EMID1: variants seen among roughly 807,000 people sequenced by gnomAD.
The protein encoded by EMID1 is EMI domain-containing protein 1.
A neutral mutation model predicts 60.6 loss-of-function variants in EMID1; 40 were observed. The observed-to-expected ratio is 0.66, with a 90% confidence interval of 0.51 to 0.86. The LOEUF is 0.86. EMID1 is among the 40% of genes least tolerant of loss of function. EMID1 has a pLI of 0.00. For synonymous variants in EMID1, 242 were observed against 231.0 expected (o/e 1.05, Z -0.43); for missense variants, 585 against 597.1 (o/e 0.98, Z 0.21).
At chr22:29,213,170 C>T (rs1233445246) in intron 1 of EMID1, among the ~76,000 whole-genome samples, 1 of 152,114 alleles carries the variant, frequency 6.6e-6, no homozygotes, top group African/African-American at 2.4e-5. Flanking sequence ...TGCTTTTTTC[C>T]TCCCCGTAAC....
At chr22:29,236,387 G>T (rs979809961) in intron 12 of EMID1, among the ~76,000 whole-genome samples, 2 of 152,006 alleles carry the variant, frequency 1.3e-5, no homozygotes, top group African/African-American at 4.8e-5. Context: ...ACCAGACCTT[G>T]CCTCTAAAAC....
Position 29,258,928 on chromosome 22 carries a change from G to T in EMID1, c.1316G>T (p.Arg439Leu). The change falls in exon 15 of 15, where the codon CGG (arginine) becomes CTG (leucine). Residue 439 changes from arginine to leucine, a missense_variant. Arg to Leu is a moderately radical substitution (Grantham distance 102). Coordinates refer to ENST00000334018, the MANE Select transcript of EMID1 (RefSeq NM_133455.4). ...TNYRIVAPRS[R>L]DERG ...TACCGGATCGTGGCCCCCAGGAGCCGGGACGAGAGAGGCTGAGGGTGGTGG... is the reference window on the plus strand; with the variant it reads ...TACCGGATCGTGGCCCCCAGGAGCCTGGACGAGAGAGGCTGAGGGTGGTGG... The T allele has an allele frequency of 6.2e-7, 1 of 1,612,874 alleles. No individual in the cohort carries two copies. The highest frequency in any genetic ancestry group is 8.5e-7 in the Non-Finnish European group (1 of 1,179,478).
intron 14 of EMID1, among the ~76,000 whole-genome samples, chr22:29,257,146 C>T (rs901937359): frequency 1.3e-5 from 2 of 152,162 alleles, no homozygotes; most frequent in African/African-American, 4.8e-5. Flanking sequence ...CCTCAGAAGT[C>T]CCACACCCAC....
chr22:29,255,645 A>C, intron 14 of EMID1: 1 of 298,560 alleles, frequency 3.3e-6, no homozygotes, highest in Non-Finnish European at 6.2e-6. Context: ...GCTCAGGAGA[A>C]CCCTGACACT....
intron 12 of EMID1, among the ~76,000 whole-genome samples, chr22:29,235,088 C>T (rs1445085442): frequency 6.6e-6 from 1 of 152,044 alleles, no homozygotes; most frequent in African/African-American, 2.4e-5. Flanking sequence ...TGGCTTACGC[C>T]TGTAATCCTA....
chr22:29,246,684 A>G (rs2041343651), intron 13 of EMID1, among the ~76,000 whole-genome samples: 1 of 152,218 alleles, frequency 6.6e-6, no homozygotes, highest in African/African-American at 2.4e-5. Context: ...CCAGACACTT[A>G]GATCCGGAGT....
chr22:29,222,189 G>A (rs1423272823), intron 3 of EMID1, among the ~76,000 whole-genome samples: 1 of 152,092 alleles, frequency 6.6e-6, no homozygotes, highest in Admixed American at 6.5e-5. Context: ...GACCTTCCAA[G>A]TTCAAGCTAT....
Position 29,231,696 on chromosome 22 carries a change from A to G in EMID1, c.676+14A>G. 1 of 1,446,916 alleles carries G rather than the reference A, an allele frequency of 6.9e-7. No homozygotes were observed. Among genetic ancestry groups the G allele is most frequent in the Non-Finnish European group, 9.1e-7 (1 of 1,095,976 alleles). 89.6% of individuals were successfully genotyped at this position (1,446,916 alleles called of 1,614,324 possible). On this transcript the variant is annotated intron_variant, in intron 7 of 14. Coordinates refer to ENST00000334018, the MANE Select transcript of EMID1 (RefSeq NM_133455.4). ...GAGGCCCACCAGGTGAGTGCCCGCA[A>G]TGCTGCCCCACAGCTCCTCTGGCCA...
intron 3 of EMID1, among the ~76,000 whole-genome samples, chr22:29,222,772 T>C (rs2040346655): frequency 6.6e-6 from 1 of 152,188 alleles, no homozygotes; most frequent in Non-Finnish European, 1.5e-5. Flanking sequence ...TATTTTCAGT[T>C]GGTGATTCAT....
intron 3 of EMID1, among the ~76,000 whole-genome samples, chr22:29,220,599 G>C (rs1278560414): frequency 6.6e-6 from 1 of 152,004 alleles, no homozygotes; most frequent in Non-Finnish European, 1.5e-5. Context: ...AAGCCCTTTG[G>C]CTCCTCTCCA....
chr22:29,237,755 C>T lies in EMID1; in HGVS notation c.1074+3406C>T, dbSNP rs573753686. Among the ~76,000 whole-genome samples the T allele has an allele frequency of 8.6e-4, 123 of 143,508 alleles. 15 individuals are homozygous for T. Among genetic ancestry groups the T allele is most frequent in the Admixed American group, 6.1e-3 (89 of 14,682 alleles). The allele number at this position is 143,508 out of a possible 152,430, so 94.1% of individuals were successfully genotyped here. A position where few individuals can be genotyped will look rare whatever the true frequency, so the allele number is the denominator to read the frequency against. Reference sequence around the variant, plus strand: ...GATGGAGCTTGCAGTGAGTGGAGATCGCGCCACTGCACTGCAGCCTGGGCA... The same window carrying T: ...GATGGAGCTTGCAGTGAGTGGAGATTGCGCCACTGCACTGCAGCCTGGGCA... On this transcript the variant is annotated intron_variant, in intron 12 of 14. Transcript: ENST00000334018.
intron 5 of EMID1, among the ~76,000 whole-genome samples, chr22:29,227,704 CAAAAA>C (rs560219761): frequency 2.2e-5 from 2 of 88,952 alleles, no homozygotes; most frequent in African/African-American, 4.4e-5. Context: ...GACTCTGTCT[CAAAAA>C]AAAAAAAAAA....
intron 5 of EMID1, among the ~76,000 whole-genome samples, chr22:29,227,665 A>G (rs1254498759): frequency 1.4e-5 from 2 of 141,508 alleles, no homozygotes; most frequent in Admixed American, 1.5e-4. Flanking sequence ...AGATTGCGCC[A>G]CTGTATTCCA....
At chr22:29,250,737 T>A (rs1401574181) in intron 13 of EMID1, among the ~76,000 whole-genome samples, 6 of 51,166 alleles carry the variant, frequency 1.2e-4, no homozygotes, top group Non-Finnish European at 2.1e-4. Flanking sequence ...CGGCTAATTT[T>A]TTTTTTTTTT....
intron 1 of EMID1, among the ~76,000 whole-genome samples, chr22:29,209,575 G>A (rs967271389): frequency 3.3e-5 from 5 of 152,204 alleles, no homozygotes; most frequent in Middle Eastern, 3.4e-3. Context: ...AACAAACATC[G>A]CTGAGCGTCC....
intron 12 of EMID1, among the ~76,000 whole-genome samples, chr22:29,239,215 T>C (rs1310725869): frequency 6.9e-6 from 1 of 144,976 alleles, no homozygotes; most frequent in Non-Finnish European, 1.5e-5. Context: ...TCAATGGCAT[T>C]CTTTATTTCT....
intron 1 of EMID1, among the ~76,000 whole-genome samples, chr22:29,207,572 C>T (rs1327005105): frequency 6.6e-6 from 1 of 152,206 alleles, no homozygotes; most frequent in Non-Finnish European, 1.5e-5. Flanking sequence ...CAGTTCAAGG[C>T]AGGGCTTCCC....
intron 12 of EMID1, among the ~76,000 whole-genome samples, chr22:29,235,814 G>T (rs558762530): frequency 4.1e-4 from 40 of 96,814 alleles, no homozygotes; most frequent in African/African-American, 1.5e-3. Context: ...TTTTGATACA[G>T]GGTCTTTCTC....
rs1289295422 is a variant in EMID1 at position 29,258,984 on chromosome 22, C to T, written c.*40C>T. The T allele has an allele frequency of 6.3e-7, 1 of 1,595,710 alleles. No homozygotes were observed. The highest frequency in any genetic ancestry group is 1.1e-5 in the South Asian group (1 of 89,118). ...CCTGAGGCAGACCAGGCCAGGCTTCCCCTCCTACCTGGACTCGGCCAGCTG... is the reference window on the plus strand; with the variant it reads ...CCTGAGGCAGACCAGGCCAGGCTTCTCCTCCTACCTGGACTCGGCCAGCTG... On this transcript the variant is annotated 3_prime_UTR_variant, in exon 15 of 15. Transcript: ENST00000334018.
Sources: allele counts gnomAD v4.1 joint callset (sites outside exome capture counted in the v4.1 genomes callset), GRCh38; gene constraint gnomAD v4.1.1; transcripts MANE v1.5; gene names NCBI Gene and HGNC (gene_info 2026-07-23, HGNC 2026-07-21).